Variants in EXOC6 observed in about 807,000 individuals in gnomAD.
EXOC6 encodes SEC15-like 1.
EXOC6 carries 60 observed loss-of-function variants against 112.5 expected under a neutral mutation model. The observed-to-expected ratio is 0.53, with a 90% CI of 0.43 to 0.66. The LOEUF is 0.66. EXOC6 is among the 30% of genes least tolerant of loss of function. The pLI is 0.00. For missense variants in EXOC6, 855 were observed against 957.1 expected, an observed-to-expected ratio of 0.89 and a Z score of 1.41; for synonymous variants, 295 against 308.0, an observed-to-expected ratio of 0.96 and a Z score of 0.44.
intron 18 of EXOC6, among the ~76,000 whole-genome samples, chr10:92,988,614 A>G (rs1843103942): frequency 2.0e-5 from 3 of 152,178 alleles, no homozygotes; most frequent in South Asian, 2.1e-4. Flanking sequence ...TATTGAATTA[A>G]GTAGAAATTC....
intron 17 of EXOC6, among the ~76,000 whole-genome samples, chr10:92,969,965 A>G (rs972275395): frequency 6.6e-6 from 1 of 152,210 alleles, no homozygotes; most frequent in African/African-American, 2.4e-5. Context: ...AAGAGCTGGG[A>G]TTACAGATGT....
chr10:92,962,446 G>A (rs541245761), intron 17 of EXOC6, among the ~76,000 whole-genome samples: 1 of 152,078 alleles, frequency 6.6e-6, no homozygotes, highest in Admixed American at 6.6e-5. Context: ...TTAGAGTGCA[G>A]TGACTTGATC....
intron 8 of EXOC6, among the ~76,000 whole-genome samples, chr10:92,920,807 C>T (rs1851392211): frequency 6.6e-6 from 1 of 151,984 alleles, no homozygotes; most frequent in African/African-American, 2.4e-5. Flanking sequence ...GTTATGTCTT[C>T]CTGATGGATT....
At chr10:92,915,698 G>C (rs7916321) in intron 6 of EXOC6, 60 bp from the exon 7 acceptor site, 1 of 1,271,512 alleles carries the variant, frequency 7.9e-7, no homozygotes, top group East Asian at 2.9e-5. Flanking sequence ...CAAATTTTTT[G>C]AACCAATTTT....
At chr10:92,938,218 A>G (rs1195373322) in intron 12 of EXOC6, among the ~76,000 whole-genome samples, 1 of 152,176 alleles carries the variant, frequency 6.6e-6, no homozygotes, top group Non-Finnish European at 1.5e-5. Flanking sequence ...AAAAGCAACA[A>G]TGATAGTTAC....
chr10:92,928,014 T>G (rs1478795718), intron 8 of EXOC6, among the ~76,000 whole-genome samples: 2 of 152,222 alleles, frequency 1.3e-5, no homozygotes, highest in Non-Finnish European at 2.9e-5. Context: ...GTTTAGGCTT[T>G]GAAGCTAATC....
At chr10:92,900,952 A>T (rs1047293781) in intron 5 of EXOC6, 1 of 152,016 alleles carries the variant, frequency 6.6e-6, no homozygotes, top group Non-Finnish European at 1.5e-5. Context: ...GTCCCTTTTA[A>T]TCTAGAACAG....
At position 92,943,514 on chromosome 10, in the gene EXOC6, G is replaced by C. The variant is rs578048074; in HGVS notation, c.1310+2690G>C. The stretch of plus-strand genomic sequence containing the variant: ...ACCTGACTACTGTTACATTTTATCT[G>C]TATGCAGCTCTCTCTCACTATATTA... On this transcript the variant is annotated intron_variant, in intron 13 of 21. Transcript: ENST00000260762. Among the ~76,000 whole-genome samples the C allele has an allele frequency of 5.3e-5, 8 of 152,194 alleles. No homozygotes were observed. In the South Asian group the frequency reaches 1.7e-3, roughly 32 times the overall value.
chr10:92,933,998 C>T, intron 9 of EXOC6, 146 bp from the exon 10 acceptor site: 1 of 504,476 alleles, frequency 2.0e-6, no homozygotes, highest in African/African-American at 2.0e-5. Flanking sequence ...TTGTTATTTA[C>T]AGATATATCC....
intron 5 of EXOC6, among the ~76,000 whole-genome samples, chr10:92,908,499 A>G (rs1182578256): frequency 6.6e-6 from 1 of 152,190 alleles, no homozygotes; most frequent in Non-Finnish European, 1.5e-5. Flanking sequence ...ATACTATGTA[A>G]TTAATTTTTA....
intron 12 of EXOC6, among the ~76,000 whole-genome samples, chr10:92,938,800 T>C (rs1852499208): frequency 6.6e-6 from 1 of 152,262 alleles, no homozygotes; most frequent in East Asian, 1.9e-4. Context: ...AAATGTTTAA[T>C]AAGGCATCCT....
chr10:93,008,235 G>A (rs1462404707), intron 19 of EXOC6, among the ~76,000 whole-genome samples: 1 of 152,082 alleles, frequency 6.6e-6, no homozygotes, highest in Admixed American at 6.6e-5. Flanking sequence ...AAGAGGAAAT[G>A]AATATCCTGA....
intron 18 of EXOC6, among the ~76,000 whole-genome samples, chr10:92,975,048 C>T (rs1168846252): frequency 6.6e-6 from 1 of 151,338 alleles, no homozygotes; most frequent in Non-Finnish European, 1.5e-5. Flanking sequence ...CGTGAGGAGC[C>T]CCTCTGCCTG....
upstream of EXOC6, among the ~76,000 whole-genome samples, chr10:92,831,047 C>T (rs940353390): frequency 3.9e-5 from 6 of 152,012 alleles, no homozygotes; most frequent in African/African-American, 1.2e-4. Context: ...TGCGAACTTC[C>T]GGCAGGAAAT....
intron 1 of EXOC6, among the ~76,000 whole-genome samples, chr10:92,865,090 A>G (rs1341668449): frequency 9.9e-5 from 15 of 152,226 alleles, no homozygotes; most frequent in Admixed American, 9.8e-4. Context: ...AAATATTGAT[A>G]GTTATAATCC....
intron 20 of EXOC6, among the ~76,000 whole-genome samples, chr10:93,030,631 G>A (rs1170255371): frequency 6.6e-6 from 1 of 152,196 alleles, no homozygotes; most frequent in Non-Finnish European, 1.5e-5. Flanking sequence ...GACTCATCAA[G>A]GCTGTTGTTA....
At chr10:92,863,308 G>T (rs1847996026) in intron 1 of EXOC6, among the ~76,000 whole-genome samples, 1 of 152,142 alleles carries the variant, frequency 6.6e-6, no homozygotes, top group African/African-American at 2.4e-5. Flanking sequence ...ATTTAATCTA[G>T]GAAGGCTAAG....
chr10:92,960,340 G>C (rs1381635669), intron 17 of EXOC6, among the ~76,000 whole-genome samples: 1 of 152,110 alleles, frequency 6.6e-6, no homozygotes, highest in African/African-American at 2.4e-5. Flanking sequence ...ATTAATGGTA[G>C]CCAGGAGTGA....
intron 12 of EXOC6, among the ~76,000 whole-genome samples, chr10:92,939,115 A>G (rs185835816): frequency 2.0e-5 from 3 of 152,258 alleles, no homozygotes; most frequent in African/African-American, 7.2e-5. Context: ...GGTTTGACCC[A>G]GATTATGGGA....
Sources: gnomAD v4.1 joint callset for allele counts (sites outside exome capture counted in the v4.1 genomes callset) on GRCh38, gnomAD v4.1.1 for gene constraint, MANE v1.5 for transcripts, NCBI Gene and HGNC (gene_info 2026-07-23, HGNC 2026-07-21) for gene names.